Variants in ARIH2 observed in about 807,000 individuals in gnomAD.
ARIH2 encodes E3 ubiquitin-protein ligase ARIH2.
ARIH2 carries 12 observed loss-of-function variants against 79.8 expected under a neutral mutation model. The ratio of observed to expected loss-of-function variants is 0.15; its 90% CI spans 0.10 to 0.24. The LOEUF is 0.24. ARIH2 is among the 10% of genes least tolerant of loss of function. The pLI is 1.00. For synonymous variants in ARIH2, 224 were observed against 213.9 expected (o/e 1.05, Z -0.41); for missense variants, 301 against 618.3 (o/e 0.49, Z 5.44).
At chr3:48,941,189 A>T (rs1312005546) in intron 3 of ARIH2, among the ~76,000 whole-genome samples, 3 of 136,892 alleles carry the variant, frequency 2.2e-5, no homozygotes, top group Admixed American at 1.5e-4. Context: ...AAAAAAAAAA[A>T]TTTGTGCCTG....
intron 5 of ARIH2, among the ~76,000 whole-genome samples, chr3:48,966,214 T>C (rs1251353665): frequency 6.6e-6 from 1 of 152,194 alleles, no homozygotes; most frequent in African/African-American, 2.4e-5. Flanking sequence ...GAAGGCAGAA[T>C]TGGGGCTCAG....
chr3:48,966,074 C>T (rs903925640), intron 5 of ARIH2, among the ~76,000 whole-genome samples: 2 of 152,168 alleles, frequency 1.3e-5, no homozygotes, highest in Non-Finnish European at 2.9e-5. Context: ...GTGATTAACT[C>T]ATATCATTTT....
At chr3:48,974,436 C>T (rs537342568) in intron 9 of ARIH2, among the ~76,000 whole-genome samples, 3 of 152,286 alleles carry the variant, frequency 2.0e-5, no homozygotes, top group South Asian at 4.1e-4. Context: ...GCCCTCTTCT[C>T]GAAGCAGAAG....
intron 1 of ARIH2, chr3:48,919,398 T>G: frequency 5.1e-6 from 2 of 389,710 alleles, no homozygotes; most frequent in Non-Finnish European, 4.5e-6. Flanking sequence ...TATCCCCAGC[T>G]CGCGGGCTCC....
intron 3 of ARIH2, among the ~76,000 whole-genome samples, chr3:48,941,576 G>T (rs1185993194): frequency 6.6e-6 from 1 of 150,480 alleles, no homozygotes; most frequent in Non-Finnish European, 1.5e-5. Context: ...ATGAACTATT[G>T]ATTTTTCTTT....
At chr3:48,978,876 G>T (rs564455502) in intron 11 of ARIH2, among the ~76,000 whole-genome samples, 2 of 151,836 alleles carry the variant, frequency 1.3e-5, no homozygotes, top group African/African-American at 4.8e-5. Flanking sequence ...CAAGAGAATC[G>T]CTTGAACCTG....
intron 3 of ARIH2, chr3:48,934,628 G>T (rs936469330): frequency 2.0e-6 from 2 of 985,270 alleles, no homozygotes; most frequent in Admixed American, 1.2e-4. Context: ...TAATAGGTTT[G>T]TTAACATGTT....
chr3:48,926,242 CGT>C lies in ARIH2; in HGVS notation c.-97-1197_-97-1196del, dbSNP rs34080246. Among the ~76,000 whole-genome samples, 943 of 147,458 alleles carry C rather than the reference CGT, an allele frequency of 6.4e-3. 15 individuals carry two copies. The highest frequency in any genetic ancestry group is 0.033 in the Admixed American group (482 of 14,740). ...TTCTTTTTTGAGATGGAGTTTCCCT[CGT>C]GTGTGTGTGTGTGTGTGTGTGTATG... On this transcript the variant is annotated intron_variant, in intron 2 of 15. Transcript: ENST00000356401.
chr3:48,982,831 C>G lies in ARIH2; in HGVS notation c.1327-65C>G, dbSNP rs1250592890. 2.4e-6 allele frequency: 3 copies of G among 1,226,360 alleles called. No individual in the cohort carries two copies. The African/African-American group carries it at 4.5e-5, about 18-fold the overall frequency. The allele number at this position is 1,226,360 out of a possible 1,614,324, so 76.0% of individuals were successfully genotyped here. A position where few individuals can be genotyped will look rare whatever the true frequency, so the allele number is the denominator to read the frequency against. On this transcript the variant is annotated intron_variant, in intron 14 of 15. Coordinates refer to ENST00000356401, the MANE Select transcript of ARIH2 (RefSeq NM_006321.4). ...CTGAGGTGCTGCATGTGCCCACCCC[C>G]GTGTACAGGCCCTGCCCCAGCCACA...
At chr3:48,957,458 C>A (rs1003834448) in intron 3 of ARIH2, among the ~76,000 whole-genome samples, 1 of 152,176 alleles carries the variant, frequency 6.6e-6, no homozygotes, top group African/African-American at 2.4e-5. Flanking sequence ...AACCCTGACC[C>A]CTGTTCTTAG....
At chr3:48,934,032 T>C (rs2086774065) in intron 3 of ARIH2, among the ~76,000 whole-genome samples, 1 of 152,200 alleles carries the variant, frequency 6.6e-6, no homozygotes, top group East Asian at 1.9e-4. Context: ...TTTTTAAAAA[T>C]CTGGTGTTTG....
intron 3 of ARIH2, among the ~76,000 whole-genome samples, chr3:48,946,219 C>T (rs2089121932): frequency 6.6e-6 from 1 of 151,940 alleles, no homozygotes; most frequent in Admixed American, 6.6e-5. Context: ...TCCTCCATTC[C>T]TCAGTCCTGC....
At chr3:48,939,855 G>A (rs542621553) in intron 3 of ARIH2, among the ~76,000 whole-genome samples, 1 of 150,630 alleles carries the variant, frequency 6.6e-6, no homozygotes, top group Non-Finnish European at 1.5e-5. Context: ...ATACAATTCA[G>A]TGGCATTTAG....
Position 48,968,665 on chromosome 3 carries a change from G to A in ARIH2, c.660+10G>A, listed in dbSNP as rs2091966652. ...CAGGGACTATGTGGAGGTATGGCCA[G>A]CCTTTGTTCTGCCCTCTGTCTTCCC... On this transcript the variant is annotated intron_variant, in intron 7 of 15. Coordinates refer to ENST00000356401, the MANE Select transcript of ARIH2 (RefSeq NM_006321.4). 1.2e-6 allele frequency: 2 copies of A among 1,604,796 alleles called. No homozygotes were observed. Among genetic ancestry groups the A allele is most frequent in the Non-Finnish European group, 1.7e-6 (2 of 1,173,572 alleles).
At chr3:48,982,600 C>G (rs1236166376) in intron 14 of ARIH2, 2 of 308,318 alleles carry the variant, frequency 6.5e-6, no homozygotes, top group Non-Finnish European at 1.2e-5. Flanking sequence ...GCATCCATTC[C>G]CTTTCATGTT....
intron 3 of ARIH2, among the ~76,000 whole-genome samples, chr3:48,937,314 C>A (rs1172457349): frequency 1.3e-5 from 2 of 152,112 alleles, no homozygotes; most frequent in African/African-American, 4.8e-5. Context: ...CTAATGCCAT[C>A]AAGCTTGGTT....
In ARIH2 at chr3:48,921,071, C is replaced by T. The variant is rs933300642; in HGVS notation, c.-161-1677C>T. 1.1e-4 allele frequency among the ~76,000 whole-genome samples: 8 copies of T among 75,726 alleles called. 3 individuals carry two copies. Among genetic ancestry groups the T allele is most frequent in the Admixed American group, 3.5e-4 (2 of 5,662 alleles). The allele number at this position is 75,726 out of a possible 152,430, so 49.7% of individuals were successfully genotyped here. On this transcript the variant is annotated intron_variant, in intron 1 of 15. Coordinates refer to ENST00000356401, the MANE Select transcript of ARIH2 (RefSeq NM_006321.4). ...TCCTGGGTTCAAGCGATTCTCCTGCCTCAGCCTCCTGAGTAGCTGGGATTA... is the reference window on the plus strand; with the variant it reads ...TCCTGGGTTCAAGCGATTCTCCTGCTTCAGCCTCCTGAGTAGCTGGGATTA...
At chr3:48,940,927 T>C (rs992030606) in intron 3 of ARIH2, among the ~76,000 whole-genome samples, 1 of 151,086 alleles carries the variant, frequency 6.6e-6, no homozygotes, top group Non-Finnish European at 1.5e-5. Flanking sequence ...CCCAGCACTT[T>C]GGGAGGCGGA....
At chr3:48,955,154 C>T (rs533000698) in intron 3 of ARIH2, among the ~76,000 whole-genome samples, 5 of 152,224 alleles carry the variant, frequency 3.3e-5, no homozygotes, top group Non-Finnish European at 7.4e-5. Context: ...GCCAGCGTCG[C>T]GCCACTGTAC....
Sources: gnomAD v4.1 joint callset for allele counts (sites outside exome capture counted in the v4.1 genomes callset) on GRCh38, gnomAD v4.1.1 for gene constraint, MANE v1.5 for transcripts, NCBI Gene and HGNC (gene_info 2026-07-23, HGNC 2026-07-21) for gene names.